The following TMEM265 variants were observed in gnomAD, a reference collection of about 807,000 sequenced individuals.
TMEM265 encodes transmembrane protein 265.
In TMEM265, 8 loss-of-function variants were observed where a neutral mutation model predicts 9.5. The ratio of observed to expected loss-of-function variants is 0.84; its 90% CI spans 0.49 to 1.52. TMEM265 has a LOEUF of 1.52. Ranked by LOEUF, TMEM265 falls within the 40% of genes most tolerant of loss-of-function variation. The pLI, the probability that TMEM265 is intolerant of heterozygous loss-of-function variation, is 0.00. For missense variants in TMEM265, 152 were observed against 146.2 expected (o/e 1.04, Z -0.21); for synonymous variants, 53 against 56.9 (o/e 0.93, Z 0.31).
intron 1 of TMEM265, 68 bp from the exon 2 acceptor site, chr16:30,741,673 G>A: frequency 3.5e-6 from 5 of 1,448,472 alleles, no homozygotes; most frequent in Admixed American, 2.2e-5. Context: ...TGAGAGGGGT[G>A]GAGTCTGAGC....
At position 30,744,070 on chromosome 16, in the gene TMEM265, C is replaced by A. The variant is rs2053241874; in HGVS notation, c.*127C>A. On this transcript the variant is annotated 3_prime_UTR_variant, in exon 3 of 3. Transcript: ENST00000615541. Reference sequence around the variant, plus strand: ...GAAGGATGGGGACTCTCTCAAGGGGCTTTGGAAGAGCTCTTCTAGCCCTTT... The same window carrying A: ...GAAGGATGGGGACTCTCTCAAGGGGATTTGGAAGAGCTCTTCTAGCCCTTT... The A allele has an allele frequency of 1.8e-6, 2 of 1,126,898 alleles. No individual in the cohort carries two copies. The highest frequency in any genetic ancestry group is 1.6e-5 in the African/African-American group (1 of 63,832). The allele number at this position is 1,126,898 out of a possible 1,614,324, so 69.8% of individuals were successfully genotyped here.
At chr16:30,743,617 T>C (rs759529149) in intron 2 of TMEM265, among the ~76,000 whole-genome samples, 165 bp from the exon 3 acceptor site, 4 of 152,086 alleles carry the variant, frequency 2.6e-5, no homozygotes, top group African/African-American at 7.2e-5. Context: ...CAGAGATGGG[T>C]ACCTTATTTT....
rs898358057 is a variant in TMEM265, at chr16:30,740,687, T to G, written c.-24T>G. 2 of 152,110 alleles carry G rather than the reference T, an allele frequency of 1.3e-5. No individual in the cohort carries two copies. The highest frequency in any genetic ancestry group is 2.9e-5 in the Non-Finnish European group (2 of 68,074). The allele number at this position is 152,110 out of a possible 1,614,324, so 9.4% of individuals were successfully genotyped here. A position where few individuals can be genotyped will look rare whatever the true frequency, so the allele number is the denominator to read the frequency against. On this transcript the variant is annotated 5_prime_UTR_variant, in exon 1 of 3. Coordinates refer to ENST00000615541, the MANE Select transcript of TMEM265 (RefSeq NM_001256829.2). The stretch of plus-strand genomic sequence containing the variant: ...CTGAGGCAGGAGCCGAAACTCAGAG[T>G]CCTTCAAGGCCTATAGCCAGGTAAG...
chr16:30,742,130 G>A (rs760937992), intron 2 of TMEM265, among the ~76,000 whole-genome samples: 4 of 152,180 alleles, frequency 2.6e-5, no homozygotes, highest in South Asian at 2.1e-4. Flanking sequence ...CATCAGTACC[G>A]TAATACAGGA....
In TMEM265 at chr16:30,745,181, T is replaced by G. The variant is rs2053249384; in HGVS notation, c.*1238T>G. The G allele has an allele frequency of 6.6e-6, 1 of 152,244 alleles. No homozygotes were observed. The highest frequency in any genetic ancestry group is 1.5e-5 in the Non-Finnish European group (1 of 68,046). The allele number at this position is 152,244 out of a possible 1,614,324, so 9.4% of individuals were successfully genotyped here. A position where few individuals can be genotyped will look rare whatever the true frequency, so the allele number is the denominator to read the frequency against. ...TCTTTTCATGTTAACATTGTGAGAT[T>G]CGTCAATATTTGGAATAGGTGTAGT... On this transcript the variant is annotated 3_prime_UTR_variant, in exon 3 of 3. Transcript: ENST00000615541.
In TMEM265 at chr16:30,744,246, T is replaced by G; in HGVS notation, c.*303T>G. ...AAGACCAGGCCTGGTTTTATTAGAA[T>G]TCATTTTGTAATAAAAGCCTTTTTT... On this transcript the variant is annotated 3_prime_UTR_variant, in exon 3 of 3. Coordinates refer to ENST00000615541, the MANE Select transcript of TMEM265 (RefSeq NM_001256829.2). 3.7e-6 allele frequency: 1 copy of G among 270,146 alleles called. No individual in the cohort carries two copies. The highest frequency in any genetic ancestry group is 6.9e-6 in the Non-Finnish European group (1 of 145,474). 16.7% of individuals were successfully genotyped at this position (270,146 alleles called of 1,614,324 possible). A position where few individuals can be genotyped will look rare whatever the true frequency, so the allele number is the denominator to read the frequency against.
At position 30,741,905 on chromosome 16, in the gene TMEM265, C is replaced by T. The variant is rs1212533934; in HGVS notation, c.162C>T (p.Ile54=). 1.1e-5 allele frequency: 17 copies of T among 1,533,640 alleles called. No individual in the cohort carries two copies. Among genetic ancestry groups the T allele is most frequent in the Non-Finnish European group, 1.4e-5 (16 of 1,146,584 alleles). The stretch of plus-strand genomic sequence containing the variant: ...GAGTCATGGCTCTGGTGTTTGCCAT[C>T]AAGGTGAGGAGTGCAATTCCCATGG... ...CLGVMALVFA[I]KAEERHKAGR... is the part of the protein sequence containing the mutation. Residue 54 remains isoleucine, a synonymous_variant, in exon 2 of 3, where the codon ATC becomes ATT. Transcript: ENST00000615541.
Position 30,744,770 on chromosome 16 carries a change from C to G in TMEM265, c.*827C>G, listed in dbSNP as rs1488955950. On this transcript the variant is annotated 3_prime_UTR_variant, in exon 3 of 3. Transcript: ENST00000615541. ...TGGTAGAGCTGAGACTGAACCCAGA[C>G]AGTTTGGTTCCAGAGCTGAGAGAGG... 1 of 152,216 alleles carries G rather than the reference C, an allele frequency of 6.6e-6. No individual in the cohort carries two copies. Among genetic ancestry groups the G allele is most frequent in the East Asian group, 1.9e-4 (1 of 5,204 alleles). The allele number at this position is 152,216 out of a possible 1,614,324, so 9.4% of individuals were successfully genotyped here. A position where few individuals can be genotyped will look rare whatever the true frequency, so the allele number is the denominator to read the frequency against.
intron 2 of TMEM265, 106 bp from the exon 3 acceptor site, chr16:30,743,676 G>A (rs2053238477): frequency 3.8e-6 from 5 of 1,317,026 alleles, no homozygotes; most frequent in Non-Finnish European, 5.1e-6. Flanking sequence ...TAGAGGGTTT[G>A]GATGTGAGAT....
At chr16:30,740,817 C>G (rs534415389) in intron 1 of TMEM265, 110 bp downstream of exon 1, 1 of 152,416 alleles carries the variant, frequency 6.6e-6, no homozygotes, top group South Asian at 2.1e-4. Context: ...GTATCTACTT[C>G]CCTGCAGCTT....
intron 1 of TMEM265, chr16:30,741,417 A>G: frequency 4.2e-6 from 1 of 240,650 alleles, no homozygotes; most frequent in Non-Finnish European, 8.1e-6. Context: ...GCAGCTTTCA[A>G]GAGTTTGTAT....
rs1209540758 is a variant in TMEM265, at chr16:30,741,709, G to A, written c.-3-32G>A. ...AAGCAAGGCCAAGGGCTCTGTTGTTGGGCTCACAAGTACCTTGACTATCGC... is the reference window on the plus strand; with the variant it reads ...AAGCAAGGCCAAGGGCTCTGTTGTTAGGCTCACAAGTACCTTGACTATCGC... On this transcript the variant is annotated intron_variant, in intron 1 of 2. Transcript: ENST00000615541. The A allele has an allele frequency of 2.6e-6, 4 of 1,518,318 alleles. No individual in the cohort carries two copies. The Admixed American group carries it at 7.9e-5, about 30-fold the overall frequency. The allele number at this position is 1,518,318 out of a possible 1,614,324, so 94.1% of individuals were successfully genotyped here.
intron 2 of TMEM265, among the ~76,000 whole-genome samples, chr16:30,742,380 G>A (rs1356145609): frequency 6.6e-6 from 1 of 152,128 alleles, no homozygotes; most frequent in African/African-American, 2.4e-5. Context: ...AGATTCCCAA[G>A]GGCCTCCAGT....
Position 30,743,116 on chromosome 16 carries a change from G to A in TMEM265, c.166-666G>A, listed in dbSNP as rs550552706. On this transcript the variant is annotated intron_variant, in intron 2 of 2. Transcript: ENST00000615541. The stretch of plus-strand genomic sequence containing the variant: ...AATGATAACAAAGAGGCTGGGCGCA[G>A]TGGCTCACGCCTGTAATCCCAGCAC... Among the ~76,000 whole-genome samples, 10 of 152,260 alleles carry A rather than the reference G, an allele frequency of 6.6e-5. No individual in the cohort carries two copies. In the South Asian group the frequency reaches 2.1e-3, roughly 32 times the overall value.
intron 1 of TMEM265, among the ~76,000 whole-genome samples, 176 bp from the exon 2 acceptor site, chr16:30,741,565 G>A (rs1271214409): frequency 6.6e-6 from 1 of 152,124 alleles, no homozygotes; most frequent in Non-Finnish European, 1.5e-5. Flanking sequence ...AAGGATTCCA[G>A]CCACACATTT....
intron 2 of TMEM265, among the ~76,000 whole-genome samples, chr16:30,742,197 T>A (rs2053230953): frequency 6.6e-6 from 1 of 152,054 alleles, no homozygotes; most frequent in African/African-American, 2.4e-5. Context: ...TATATGTGTA[T>A]ATGGTAGAAT....
At chr16:30,742,049 C>T in intron 2 of TMEM265, 141 bp downstream of exon 2, 2 of 941,750 alleles carry the variant, frequency 2.1e-6, no homozygotes, top group Non-Finnish European at 3.1e-6. Flanking sequence ...GACAGGGTTC[C>T]TTGTCGTCAG....
intron 2 of TMEM265, among the ~76,000 whole-genome samples, chr16:30,742,887 C>T (rs1191212319): frequency 7.0e-6 from 1 of 142,694 alleles, no homozygotes; most frequent in Non-Finnish European, 1.5e-5. Context: ...GATCATGCCA[C>T]TGCACTCCAG....
At chr16:30,741,669 G>A (rs1225971557) in intron 1 of TMEM265, 72 bp from the exon 2 acceptor site, 2 of 1,432,824 alleles carry the variant, frequency 1.4e-6, no homozygotes, top group Admixed American at 2.3e-5. Context: ...GCTCTGAGAG[G>A]GGTGGAGTCT....
Sources: gnomAD v4.1 joint callset for allele counts (sites outside exome capture counted in the v4.1 genomes callset) on GRCh38, gnomAD v4.1.1 for gene constraint, MANE v1.5 for transcripts, NCBI Gene and HGNC (gene_info 2026-07-23, HGNC 2026-07-21) for gene names.